The following ANGPT1 variants were observed in gnomAD, a reference collection of about 807,000 sequenced individuals.
ANGPT1 encodes angiopoietin 1, also known as angiopoietin-1.
Under a neutral mutation model 62.2 loss-of-function variants are expected in ANGPT1, and 17 were observed. The ratio of observed to expected loss-of-function variants is 0.27; its 90% CI spans 0.19 to 0.41. The LOEUF (loss-of-function observed/expected upper bound fraction) is 0.41, where lower values mean the gene tolerates loss of function less well. Among genes scored for constraint, ANGPT1 ranks in the 10% least tolerant of loss-of-function variants. The pLI, the probability that ANGPT1 is intolerant of heterozygous loss-of-function variation, is 1.00. For synonymous variants in ANGPT1, 199 were observed against 198.9 expected (o/e 1.00, Z 0.00); for missense variants, 478 against 594.9 (o/e 0.80, Z 2.04).
chr8:107,419,975 G>A (rs1810855438), intron 1 of ANGPT1, among the ~76,000 whole-genome samples: 1 of 152,102 alleles, frequency 6.6e-6, no homozygotes, highest in African/African-American at 2.4e-5. Context: ...GTTAATATGT[G>A]CCCATTTTAC....
intron 5 of ANGPT1, 138 bp downstream of exon 5, chr8:107,303,102 C>T: frequency 1.1e-6 from 1 of 945,972 alleles, no homozygotes; most frequent in East Asian, 2.6e-5. Flanking sequence ...ACCTGGGAAA[C>T]AGAGTATCTC....
intron 1 of ANGPT1, among the ~76,000 whole-genome samples, chr8:107,397,164 C>T (rs915532623): frequency 2.0e-5 from 3 of 152,092 alleles, no homozygotes; most frequent in African/African-American, 7.2e-5. Flanking sequence ...CATTACTTTG[C>T]TTTTTAAGTT....
intron 7 of ANGPT1, 33 bp from the exon 8 acceptor site, chr8:107,264,384 C>T: frequency 6.2e-7 from 1 of 1,604,164 alleles, no homozygotes; most frequent in Non-Finnish European, 8.5e-7. Flanking sequence ...GAAAGATAAG[C>T]CATTCGACAG....
chr8:107,288,403 C>T (rs565354366), intron 6 of ANGPT1, among the ~76,000 whole-genome samples: 2 of 152,166 alleles, frequency 1.3e-5, no homozygotes, highest in South Asian at 2.1e-4. Flanking sequence ...TTAGGAGCTA[C>T]ACAAGAGGTA....
Position 107,338,962 on chromosome 8 carries a change from G to A in ANGPT1, c.454-2691C>T, listed in dbSNP as rs1458682092. 6.6e-5 allele frequency among the ~76,000 whole-genome samples: 10 copies of A among 152,290 alleles called. No homozygotes were observed. The East Asian group carries it at 1.7e-3, about 26-fold the overall frequency. On this transcript the variant is annotated intron_variant, in intron 2 of 8. Coordinates refer to ENST00000517746, the MANE Select transcript of ANGPT1 (RefSeq NM_001146.5). ...TCTCACTAAATCAAGCATATCATAT[G>A]CAGTTAAATGAAATCTATTTTCTTT...
rs1187330729 is a variant in ANGPT1, at chr8:107,249,625, T to C, written c.*2230A>G. Reference sequence around the variant, plus strand: ...TCTGAAACAATTAAAAGAATACACATGTTAAATTGCCATAAACATGTACGT... The same window carrying C: ...TCTGAAACAATTAAAAGAATACACACGTTAAATTGCCATAAACATGTACGT... On this transcript the variant is annotated 3_prime_UTR_variant, in exon 9 of 9. Transcript: ENST00000517746. 1 of 151,420 alleles carries C rather than the reference T, an allele frequency of 6.6e-6. No individual in the cohort carries two copies. The highest frequency in any genetic ancestry group is 2.4e-5 in the African/African-American group (1 of 41,218). The allele number at this position is 151,420 out of a possible 1,614,324, so 9.4% of individuals were successfully genotyped here.
chr8:107,347,158 G>A (rs1391478480), intron 1 of ANGPT1, 61 bp from the exon 2 acceptor site: 3 of 1,513,070 alleles, frequency 2.0e-6, no homozygotes, highest in African/African-American at 2.8e-5. Context: ...GTTCGGGCAT[G>A]TAATATTTAC....
At chr8:107,393,616 C>A (rs1253039324) in intron 1 of ANGPT1, among the ~76,000 whole-genome samples, 1 of 152,082 alleles carries the variant, frequency 6.6e-6, no homozygotes, top group African/African-American at 2.4e-5. Flanking sequence ...TCGAGACCAG[C>A]CTGACCAGTG....
chr8:107,262,731 A>C (rs879162048), intron 8 of ANGPT1, among the ~76,000 whole-genome samples: 4 of 152,222 alleles, frequency 2.6e-5, no homozygotes, highest in Admixed American at 2.6e-4. Flanking sequence ...GTAAGAGAGA[A>C]GCAGCACTAA....
intron 7 of ANGPT1, among the ~76,000 whole-genome samples, chr8:107,279,816 A>G (rs1389347046): frequency 6.6e-6 from 1 of 151,968 alleles, no homozygotes; most frequent in Non-Finnish European, 1.5e-5. Context: ...GTTAACAGTC[A>G]CTCATTAATG....
intron 4 of ANGPT1, among the ~76,000 whole-genome samples, chr8:107,315,385 T>C (rs1814990186): frequency 6.6e-6 from 1 of 152,110 alleles, no homozygotes; most frequent in Non-Finnish European, 1.5e-5. Flanking sequence ...ATCTGTCCTT[T>C]CACATTCAAG....
intron 1 of ANGPT1, among the ~76,000 whole-genome samples, chr8:107,366,200 A>G (rs1411286445): frequency 6.6e-6 from 1 of 152,208 alleles, no homozygotes; most frequent in South Asian, 2.1e-4. Context: ...TCCTCAAACC[A>G]ACCATCAGAG....
intron 1 of ANGPT1, among the ~76,000 whole-genome samples, chr8:107,358,658 T>C (rs1359642724): frequency 6.6e-6 from 1 of 152,220 alleles, no homozygotes; most frequent in African/African-American, 2.4e-5. Context: ...ATTAATCTAG[T>C]TTTGGCAGCT....
At chr8:107,378,089 G>A (rs1201298004) in intron 1 of ANGPT1, among the ~76,000 whole-genome samples, 1 of 152,138 alleles carries the variant, frequency 6.6e-6, no homozygotes, top group Non-Finnish European at 1.5e-5. Context: ...TGTAAAATAT[G>A]ACTTTTCCAT....
intron 1 of ANGPT1, 31 bp downstream of exon 1, chr8:107,497,231 G>T: frequency 6.2e-7 from 1 of 1,603,816 alleles, no homozygotes; most frequent in Non-Finnish European, 8.5e-7. Context: ...AAAAAGGTCC[G>T]TGCTATTAGA....
At position 107,414,875 on chromosome 8, in the gene ANGPT1, A is replaced by G. The variant is rs553149684; in HGVS notation, c.298-67778T>C. 6.6e-5 allele frequency among the ~76,000 whole-genome samples: 10 copies of G among 152,332 alleles called. No individual in the cohort carries two copies. In the South Asian group the frequency reaches 1.9e-3, roughly 28 times the overall value. On this transcript the variant is annotated intron_variant, in intron 1 of 8. Transcript: ENST00000517746. ...AAGAAGAGGTTTGAAGAAAGGGAAA[A>G]GTATGACATCACTTTCCACAGAGCT...
chr8:107,267,846 A>C (rs1309513125), intron 7 of ANGPT1, among the ~76,000 whole-genome samples: 3 of 151,656 alleles, frequency 2.0e-5, no homozygotes, highest in Non-Finnish European at 4.4e-5. Context: ...CTCCAGCCTT[A>C]CCCACTCACT....
At chr8:107,310,585 T>C (rs970108925) in intron 4 of ANGPT1, among the ~76,000 whole-genome samples, 1 of 152,058 alleles carries the variant, frequency 6.6e-6, no homozygotes, top group Non-Finnish European at 1.5e-5. Flanking sequence ...GCAGCAATGA[T>C]AAGAACAAAG....
At chr8:107,449,402 A>G (rs1586331674) in intron 1 of ANGPT1, among the ~76,000 whole-genome samples, 1 of 74,642 alleles carries the variant, frequency 1.3e-5, no homozygotes, top group Non-Finnish European at 2.6e-5. Flanking sequence ...ACACACATGC[A>G]CACACACACA....
Sources: allele counts gnomAD v4.1 joint callset (sites outside exome capture counted in the v4.1 genomes callset), GRCh38; gene constraint gnomAD v4.1.1; transcripts MANE v1.5; gene names NCBI Gene and HGNC (gene_info 2026-07-23, HGNC 2026-07-21).